The following ACSL6 variants were observed in gnomAD, a reference collection of about 807,000 sequenced individuals.
The protein encoded by ACSL6 is long-chain-fatty-acid--CoA ligase 6.
Under a neutral mutation model 98.2 loss-of-function variants are expected in ACSL6, and 47 were observed. The ratio of observed to expected loss-of-function variants is 0.48; its 90% CI spans 0.38 to 0.61. The LOEUF (loss-of-function observed/expected upper bound fraction) is 0.61, where lower values mean the gene tolerates loss of function less well. Ranked by LOEUF, ACSL6 falls within the 20% of genes least tolerant of loss-of-function variation. ACSL6 has a pLI of 0.00. For missense variants in ACSL6, 761 were observed against 913.4 expected, an observed-to-expected ratio of 0.83 and a Z score of 2.15; for synonymous variants, 362 against 336.9, an observed-to-expected ratio of 1.07 and a Z score of -0.82.
intron 4 of ACSL6, 142 bp downstream of exon 4, chr5:131,989,958 G>T: frequency 1.1e-6 from 1 of 871,460 alleles, no homozygotes; most frequent in Non-Finnish European, 1.7e-6. Flanking sequence ...AGCCCTTCAA[G>T]GCTGTTGCCA....
chr5:131,997,403 C>T (rs1277502956), intron 1 of ACSL6, among the ~76,000 whole-genome samples: 2 of 152,172 alleles, frequency 1.3e-5, no homozygotes, highest in African/African-American at 4.8e-5. Context: ...ATGGCCACCC[C>T]AACCCCTGCC....
Position 131,960,578 on chromosome 5 carries a change from G to A in ACSL6, c.1901C>T (p.Pro634Leu), listed in dbSNP as rs1410548762. Residue 634 changes from proline to leucine, a missense_variant, in exon 19 of 21, where the codon CCC becomes CTC. Transcript: ENST00000651883. ...GIVVPDPEVM[P>L]SWAQKRGIEG... ...AATTCCTCTCTTCTGGGCCCAGGAG[G>A]GCATAACTTCAGGGTCAGGCACAAC... The A allele has an allele frequency of 6.2e-7, 1 of 1,613,938 alleles. No homozygotes were observed. The highest frequency in any genetic ancestry group is 2.2e-5 in the East Asian group (1 of 44,872).
At chr5:132,006,609 CT>C (rs1344017925) in intron 1 of ACSL6, 1 of 152,252 alleles carries the variant, frequency 6.6e-6, no homozygotes, top group African/African-American at 2.4e-5. Context: ...CTGGGAATTC[CT>C]CTCATCTATG....
intron 15 of ACSL6, among the ~76,000 whole-genome samples, chr5:131,969,580 A>G (rs1473701470): frequency 6.6e-6 from 1 of 152,160 alleles, no homozygotes; most frequent in Non-Finnish European, 1.5e-5. Context: ...ATATCAGTAT[A>G]TTGGATTTTT....
chr5:131,975,460 G>A lies in ACSL6; in HGVS notation c.991-490C>T, dbSNP rs140346723. 1.0e-3 allele frequency: 1,030 copies of A among 985,426 alleles called. 8 individuals carry two copies. The African/African-American group carries it at 0.017, about 16-fold the overall frequency. 61.0% of individuals were successfully genotyped at this position (985,426 alleles called of 1,614,324 possible). A position where few individuals can be genotyped will look rare whatever the true frequency, so the allele number is the denominator to read the frequency against. On this transcript the variant is annotated intron_variant, in intron 10 of 20. Transcript: ENST00000651883. ...CCGGGCAGGGATTCAGAAGGTCTTG[G>A]CTAGTCAGCACTTTCTAGTCCTTGC...
intron 2 of ACSL6, among the ~76,000 whole-genome samples, chr5:131,992,453 G>C (rs1206091112): frequency 6.6e-6 from 1 of 152,128 alleles, no homozygotes; most frequent in Non-Finnish European, 1.5e-5. Context: ...GCCTACTCCG[G>C]TGCAGCCACT....
intron 1 of ACSL6, among the ~76,000 whole-genome samples, chr5:132,010,236 C>T (rs1416985046): frequency 6.6e-6 from 1 of 152,174 alleles, no homozygotes; most frequent in Non-Finnish European, 1.5e-5. Context: ...TCCCTGTGGC[C>T]TAACTTAAGG....
intron 7 of ACSL6, among the ~76,000 whole-genome samples, 161 bp downstream of exon 7, chr5:131,987,887 C>T (rs1754282491): frequency 6.6e-6 from 1 of 152,196 alleles, no homozygotes; most frequent in South Asian, 2.1e-4. Flanking sequence ...AACCCCACCA[C>T]TCACCACCAG....
At chr5:131,996,505 T>C (rs932518455) in intron 1 of ACSL6, among the ~76,000 whole-genome samples, 2 of 152,194 alleles carry the variant, frequency 1.3e-5, no homozygotes, top group African/African-American at 4.8e-5. Flanking sequence ...GGAGCTGAAC[T>C]GACTTAATGA....
At chr5:131,997,199 T>C (rs1419139944) in intron 1 of ACSL6, among the ~76,000 whole-genome samples, 2 of 152,248 alleles carry the variant, frequency 1.3e-5, no homozygotes, top group East Asian at 1.9e-4. Context: ...GAGTTCCTGA[T>C]GCCTGGGCAG....
Position 131,954,184 on chromosome 5 carries a change from T to A in ACSL6, c.*50A>T, listed in dbSNP as rs1277099048. On this transcript the variant is annotated 3_prime_UTR_variant, in exon 21 of 21. Transcript: ENST00000651883. ...TTGACTCATTACTTTCAAGAATAAC[T>A]ATAATATTGCTAGACAGTTCATTAC... The A allele has an allele frequency of 6.6e-7, 1 of 1,520,118 alleles. No homozygotes were observed. The highest frequency in any genetic ancestry group is 8.8e-7 in the Non-Finnish European group (1 of 1,139,812). The allele number at this position is 1,520,118 out of a possible 1,614,324, so 94.2% of individuals were successfully genotyped here.
intron 1 of ACSL6, among the ~76,000 whole-genome samples, chr5:132,007,568 C>T (rs779339524): frequency 3.3e-5 from 5 of 152,208 alleles, no homozygotes; most frequent in South Asian, 2.1e-4. Context: ...CACTGAACCT[C>T]GCTGAGTCTC....
intron 19 of ACSL6, 53 bp downstream of exon 19, chr5:131,960,467 T>G (rs756858987): frequency 1.2e-5 from 18 of 1,467,888 alleles, no homozygotes; most frequent in Non-Finnish European, 1.7e-5. Flanking sequence ...TCTCATTATG[T>G]GGTACCATAA....
At chr5:132,000,308 G>A (rs2126941710) in intron 1 of ACSL6, among the ~76,000 whole-genome samples, 1 of 152,250 alleles carries the variant, frequency 6.6e-6, no homozygotes, top group Non-Finnish European at 1.5e-5. Context: ...CCCCAGGGCA[G>A]CACACCAGCC....
At position 131,960,614 on chromosome 5, in the gene ACSL6, A is replaced by T; in HGVS notation, c.1865T>A (p.Leu622Ter). 2.5e-6 allele frequency: 4 copies of T among 1,613,346 alleles called. No individual in the cohort carries two copies. The highest frequency in any genetic ancestry group is 3.4e-6 in the Non-Finnish European group (4 of 1,179,632). Residue 622 changes from leucine (L) to a stop codon, truncating the protein, a stop_gained, in exon 19 of 21, where the codon TTG (leucine) becomes TAG (stop). Transcript: ENST00000651883. LOFTEE classifies it high-confidence loss of function. The part of the protein sequence containing the change: ...YVHGDSLKAF[L>*]VGIVVPDPEV... ...AGGGTCAGGCACAACAATGCCTACC[A>T]AAAAGGCCTGCAGTGCTCACCAAAG...
At position 131,970,171 on chromosome 5, in the gene ACSL6, G is replaced by A. The variant is rs766892496; in HGVS notation, c.1464C>T (p.Cys488=). The change falls in exon 15 of 21, where the codon TGC becomes TGT. Residue 488 remains cysteine (C), a synonymous_variant. Transcript: ENST00000651883. ...GAGTGGTGAAGGTACATCCAGCTGT[G>A]CACTCAGTTTGGCCATAACCTTCAT... The part of the protein sequence containing the change: ...QVYEGYGQTE[C]TAGCTFTTPG... 1.2e-6 allele frequency: 2 copies of A among 1,614,082 alleles called. No individual in the cohort carries two copies. The highest frequency in any genetic ancestry group is 1.7e-6 in the Non-Finnish European group (2 of 1,180,026).
chr5:131,960,837 A>G (rs1316617990), intron 18 of ACSL6: 1 of 453,886 alleles, frequency 2.2e-6, no homozygotes, highest in Non-Finnish European at 3.9e-6. Context: ...TAAGGACATT[A>G]AGAATCAGTA....
chr5:131,966,328 T>G, intron 17 of ACSL6, 88 bp downstream of exon 17: 1 of 1,289,194 alleles, frequency 7.8e-7, no homozygotes, highest in Non-Finnish European at 1.1e-6. Flanking sequence ...TCAGGGGGGA[T>G]TTGGAGAAGA....
At chr5:131,985,120 G>C in intron 9 of ACSL6, 2 of 450,266 alleles carry the variant, frequency 4.4e-6, no homozygotes, top group East Asian at 4.0e-5. Context: ...CAGTGAGAAA[G>C]GACCTTCCCT....
Sources: allele counts gnomAD v4.1 joint callset (sites outside exome capture counted in the v4.1 genomes callset), GRCh38; gene constraint gnomAD v4.1.1; transcripts MANE v1.5; gene names NCBI Gene and HGNC (gene_info 2026-07-23, HGNC 2026-07-21).